WDR72: variants seen among roughly 807,000 people sequenced by gnomAD.
WDR72 encodes WD repeat domain 72.
A neutral mutation model predicts 124.2 loss-of-function variants in WDR72; 120 were observed. The observed-to-expected ratio is 0.97, with a 90% CI of 0.83 to 1.12. The LOEUF is 1.12. WDR72 is among the 50% of genes most tolerant of loss of function. WDR72 has a pLI of 0.00. For missense variants in WDR72, 1,387 were observed against 1,278.8 expected (o/e 1.08, Z -1.29); for synonymous variants, 452 against 441.7 (o/e 1.02, Z -0.29).
At chr15:53,694,308 A>G (rs2016935107) in intron 13 of WDR72, among the ~76,000 whole-genome samples, 1 of 152,188 alleles carries the variant, frequency 6.6e-6, no homozygotes. Flanking sequence ...GACAGCCCTG[A>G]GCAGTGATAC....
In WDR72 at chr15:53,514,573, A is replaced by G. The variant is rs372563214; in HGVS notation, c.*3126T>C. On this transcript the variant is annotated 3_prime_UTR_variant, in exon 20 of 20. Coordinates refer to ENST00000360509, the MANE Select transcript of WDR72 (RefSeq NM_182758.4). The stretch of plus-strand genomic sequence containing the variant: ...TAAAAGTCACCAAATGCTATCATCT[A>G]AAGATAGAATATTAATATTTAACAA... 5.3e-5 allele frequency: 8 copies of G among 152,294 alleles called. No individual in the cohort carries two copies. In the East Asian group the frequency reaches 7.7e-4, roughly 15 times the overall value. The allele number at this position is 152,294 out of a possible 1,614,324, so 9.4% of individuals were successfully genotyped here.
Position 53,540,638 on chromosome 15 carries a change from G to C in WDR72, c.3149-17316C>G, listed in dbSNP as rs542953066. ...AAAGCAGTAAAAAGAAGAACAGGAGGAGCCAAGATGGCTGAATACGAACAG... is the reference window on the plus strand; with the variant it reads ...AAAGCAGTAAAAAGAAGAACAGGAGCAGCCAAGATGGCTGAATACGAACAG... On this transcript the variant is annotated intron_variant, in intron 18 of 19. Coordinates refer to ENST00000360509, the MANE Select transcript of WDR72 (RefSeq NM_182758.4). 2.0e-5 allele frequency among the ~76,000 whole-genome samples: 3 copies of C among 152,138 alleles called. No individual in the cohort carries two copies. In the South Asian group the frequency reaches 6.2e-4, roughly 32 times the overall value.
intron 9 of WDR72, among the ~76,000 whole-genome samples, 176 bp downstream of exon 9, chr15:53,710,681 A>G (rs548174612): frequency 6.6e-6 from 1 of 152,218 alleles, no homozygotes; most frequent in Non-Finnish European, 1.5e-5. Context: ...CAGATTTTTA[A>G]AGACAAAGTT....
chr15:53,547,354 A>T (rs1383610437), intron 18 of WDR72, among the ~76,000 whole-genome samples: 4 of 152,064 alleles, frequency 2.6e-5, no homozygotes, highest in Non-Finnish European at 5.9e-5. Context: ...CTGGTCTCGA[A>T]CTCCCAACCT....
chr15:53,657,942 A>C (rs948122993), intron 14 of WDR72, among the ~76,000 whole-genome samples: 4 of 152,318 alleles, frequency 2.6e-5, no homozygotes, highest in African/African-American at 9.6e-5. Flanking sequence ...TGCAGAGTTG[A>C]TTAGTAATAG....
intron 18 of WDR72, among the ~76,000 whole-genome samples, chr15:53,527,016 G>C (rs957337782): frequency 6.6e-6 from 1 of 152,152 alleles, no homozygotes; most frequent in African/African-American, 2.4e-5. Flanking sequence ...GAGAAGAGAG[G>C]AATCTATGAA....
At chr15:53,745,898 C>G (rs556249378) in intron 1 of WDR72, among the ~76,000 whole-genome samples, 1 of 152,298 alleles carries the variant, frequency 6.6e-6, no homozygotes, top group South Asian at 2.1e-4. Flanking sequence ...AACAGCCCAT[C>G]CAGAACTTGC....
chr15:53,725,013 A>G (rs114104776), intron 2 of WDR72, among the ~76,000 whole-genome samples: 4,322 of 152,190 alleles, frequency 0.028, 195 homozygotes, highest in African/African-American at 0.098. Flanking sequence ...AGAAAATAAG[A>G]AAACAAGCCA....
intron 1 of WDR72, among the ~76,000 whole-genome samples, chr15:53,758,535 T>C (rs1285840369): frequency 1.3e-5 from 2 of 151,838 alleles, no homozygotes; most frequent in African/African-American, 4.8e-5. Flanking sequence ...ACAAGTGATG[T>C]TTACAAAAAA....
chr15:53,584,241 T>C (rs1171284802), intron 18 of WDR72, among the ~76,000 whole-genome samples: 3 of 151,944 alleles, frequency 2.0e-5, no homozygotes, highest in African/African-American at 7.2e-5. Flanking sequence ...TCAAAGAGGA[T>C]GGGTGATTGA....
At chr15:53,676,076 A>C (rs1411580741) in intron 13 of WDR72, among the ~76,000 whole-genome samples, 1 of 152,156 alleles carries the variant, frequency 6.6e-6, no homozygotes, top group African/African-American at 2.4e-5. Context: ...TGCCACTTGT[A>C]AAATTCAATA....
At chr15:53,542,540 T>G (rs1255972787) in intron 18 of WDR72, among the ~76,000 whole-genome samples, 1 of 41,588 alleles carries the variant, frequency 2.4e-5, no homozygotes, top group Non-Finnish European at 4.4e-5. Flanking sequence ...TGCAAAATCA[T>G]GCCAAAATGT....
At chr15:53,591,682 C>A (rs1290473414) in intron 18 of WDR72, among the ~76,000 whole-genome samples, 1 of 121,600 alleles carries the variant, frequency 8.2e-6, no homozygotes, top group East Asian at 2.3e-4. Context: ...ATACAACACA[C>A]ACAACACACA....
At chr15:53,696,944 A>G (rs9920412) in intron 13 of WDR72, among the ~76,000 whole-genome samples, 2,221 of 152,334 alleles carry the variant, frequency 0.015, 45 homozygotes, top group African/African-American at 0.052. Flanking sequence ...GATTGTGTCT[A>G]AAGAAGTGAA....
intron 13 of WDR72, among the ~76,000 whole-genome samples, chr15:53,673,574 G>C (rs2016065987): frequency 6.6e-6 from 1 of 152,108 alleles, no homozygotes; most frequent in Admixed American, 6.5e-5. Flanking sequence ...ACCATCCAAA[G>C]CACATATATT....
At chr15:53,562,743 T>A (rs746081220) in intron 18 of WDR72, among the ~76,000 whole-genome samples, 6 of 151,808 alleles carry the variant, frequency 4.0e-5, no homozygotes, top group Non-Finnish European at 7.4e-5. Context: ...CTGCAAACCC[T>A]TCCCAAGAGA....
chr15:53,669,336 A>G (rs2015909776), intron 13 of WDR72, among the ~76,000 whole-genome samples: 1 of 152,130 alleles, frequency 6.6e-6, no homozygotes, highest in African/African-American at 2.4e-5. Flanking sequence ...CATTCAGTAC[A>G]TATAACCATA....
At chr15:53,761,417 CA>C (rs1224354115), upstream of WDR72, among the ~76,000 whole-genome samples, 2 of 152,006 alleles carry the variant, frequency 1.3e-5, no homozygotes, top group Non-Finnish European at 2.9e-5. Context: ...GAAGCTTCCT[CA>C]AAAAAATAAA....
At position 53,517,377 on chromosome 15, in the gene WDR72, A is replaced by G. The variant is rs922456151; in HGVS notation, c.*322T>C. 6.1e-6 allele frequency: 2 copies of G among 326,178 alleles called. No homozygotes were observed. Among genetic ancestry groups the G allele is most frequent in the African/African-American group, 4.3e-5 (2 of 46,868 alleles). The allele number at this position is 326,178 out of a possible 1,614,324, so 20.2% of individuals were successfully genotyped here. A position where few individuals can be genotyped will look rare whatever the true frequency, so the allele number is the denominator to read the frequency against. The stretch of plus-strand genomic sequence containing the variant: ...GGACTAAAAGGATAGGAGAAAATTT[A>G]AAGCAGTATTAAATTTGTGTCTGTG... On this transcript the variant is annotated 3_prime_UTR_variant, in exon 20 of 20. Transcript: ENST00000360509.
Sources: allele counts gnomAD v4.1 joint callset (sites outside exome capture counted in the v4.1 genomes callset), GRCh38; gene constraint gnomAD v4.1.1; transcripts MANE v1.5; gene names NCBI Gene and HGNC (gene_info 2026-07-23, HGNC 2026-07-21).